The following ZNF644 variants were observed in gnomAD, a reference collection of about 807,000 sequenced individuals.
ZNF644 encodes zinc finger motif enhancer binding protein 2.
Under a neutral mutation model 108.0 loss-of-function variants are expected in ZNF644, and 20 were observed. That is an observed-to-expected ratio of 0.19 (90% CI 0.13 to 0.27). ZNF644 has a LOEUF of 0.27. Among genes scored for constraint, ZNF644 ranks in the 10% least tolerant of loss-of-function variants. The pLI is 1.00. For missense variants in ZNF644, 1,338 were observed against 1,548.9 expected (o/e 0.86, Z 2.29); for synonymous variants, 542 against 539.1 (o/e 1.01, Z -0.08).
At chr1:90,952,547 C>G (rs898607330) in intron 2 of ZNF644, among the ~76,000 whole-genome samples, 1 of 150,912 alleles carries the variant, frequency 6.6e-6, no homozygotes, top group African/African-American at 2.4e-5. Flanking sequence ...CCAACAGAAA[C>G]AGAAATCACT....
chr1:90,952,337 A>T (rs545987137), intron 2 of ZNF644, among the ~76,000 whole-genome samples: 1 of 152,334 alleles, frequency 6.6e-6, no homozygotes, highest in Admixed American at 6.5e-5. Flanking sequence ...AATTATTCTC[A>T]CTTGTGACAA....
At chr1:90,925,192 C>G (rs1649889832) in intron 4 of ZNF644, among the ~76,000 whole-genome samples, 2 of 152,192 alleles carry the variant, frequency 1.3e-5, no homozygotes, top group African/African-American at 2.4e-5. Context: ...ACTTGACTCT[C>G]ATGCCCCCCA....
chr1:90,926,015 A>G (rs1301218606), intron 4 of ZNF644, among the ~76,000 whole-genome samples: 2 of 151,992 alleles, frequency 1.3e-5, no homozygotes, highest in Admixed American at 6.6e-5. Flanking sequence ...CCACCATAAA[A>G]CTTTCCTTCC....
intron 1 of ZNF644, among the ~76,000 whole-genome samples, chr1:90,987,871 TAAACATATGA>T (rs1285427498): frequency 6.6e-6 from 1 of 151,996 alleles, no homozygotes; most frequent in Non-Finnish European, 1.5e-5. Flanking sequence ...CAAGGACAAT[TAAACATATGA>T]AAACAAAATA....
intron 2 of ZNF644, among the ~76,000 whole-genome samples, chr1:90,954,350 T>C (rs1267719932): frequency 1.3e-5 from 2 of 152,190 alleles, no homozygotes; most frequent in African/African-American, 4.8e-5. Flanking sequence ...GAGAAGCAAC[T>C]TCTCATCTGA....
At chr1:90,929,616 T>C (rs1197718766) in intron 4 of ZNF644, among the ~76,000 whole-genome samples, 2 of 152,188 alleles carry the variant, frequency 1.3e-5, no homozygotes, top group South Asian at 2.1e-4. Flanking sequence ...TTAATGCACA[T>C]TGGGAAGCTT....
intron 1 of ZNF644, among the ~76,000 whole-genome samples, chr1:91,006,061 C>T (rs1050487609): frequency 6.6e-6 from 1 of 152,046 alleles, no homozygotes; most frequent in African/African-American, 2.4e-5. Flanking sequence ...GGAGTCATTA[C>T]TACCAACCTT....
intron 2 of ZNF644, among the ~76,000 whole-genome samples, chr1:90,959,908 T>C (rs1175796641): frequency 6.6e-6 from 1 of 152,200 alleles, no homozygotes; most frequent in African/African-American, 2.4e-5. Context: ...AATTCAGAAA[T>C]AAGCAAGTTA....
At chr1:90,978,425 C>A (rs1656223355) in intron 2 of ZNF644, among the ~76,000 whole-genome samples, 1 of 150,838 alleles carries the variant, frequency 6.6e-6, no homozygotes, top group Non-Finnish European at 1.5e-5. Context: ...GGTCAATGTA[C>A]GTTGTACAAT....
At chr1:90,974,285 C>T (rs1275091609) in intron 2 of ZNF644, among the ~76,000 whole-genome samples, 1 of 151,754 alleles carries the variant, frequency 6.6e-6, no homozygotes, top group Non-Finnish European at 1.5e-5. Context: ...GCCAAGATTG[C>T]GCCACTGCAC....
intron 2 of ZNF644, among the ~76,000 whole-genome samples, chr1:90,975,464 G>C (rs1405524057): frequency 7.0e-6 from 1 of 143,528 alleles, no homozygotes; most frequent in Non-Finnish European, 1.5e-5. Flanking sequence ...TTGAGACAGA[G>C]TCTCGCTCTG....
chr1:91,021,891 A>G, intron 1 of ZNF644, 99 bp downstream of exon 1: 1 of 398,784 alleles, frequency 2.5e-6, no homozygotes, highest in Non-Finnish European at 4.4e-6. Context: ...GGGTCCCCCA[A>G]GTTCTTCCGC....
At chr1:91,005,398 C>T (rs184644737) in intron 1 of ZNF644, among the ~76,000 whole-genome samples, 10 of 152,236 alleles carry the variant, frequency 6.6e-5, no homozygotes, top group Admixed American at 4.6e-4. Flanking sequence ...CTTAATACTT[C>T]ACATTCAGTA....
intron 2 of ZNF644, among the ~76,000 whole-genome samples, chr1:90,964,678 T>C (rs1019385293): frequency 6.6e-6 from 1 of 152,082 alleles, no homozygotes; most frequent in Non-Finnish European, 1.5e-5. Context: ...AATACCACAC[T>C]GAAGCAACAG....
At chr1:90,935,676 T>G in intron 4 of ZNF644, 33 of 378,260 alleles carry the variant, frequency 8.7e-5, no homozygotes, top group Non-Finnish European at 1.1e-4. Flanking sequence ...GAGGGGAAAT[T>G]AAGTTAACTG....
At chr1:91,010,739 A>AGCTTCTATGGC (rs1013049693) in intron 1 of ZNF644, among the ~76,000 whole-genome samples, 8 of 151,930 alleles carry the variant, frequency 5.3e-5, no homozygotes, top group African/African-American at 1.9e-4. Flanking sequence ...AGCTCTTTGG[A>AGCTTCTATGGC]GTAGAAGCCA....
chr1:90,977,357 T>A (rs1285336402), intron 2 of ZNF644, among the ~76,000 whole-genome samples: 1 of 152,126 alleles, frequency 6.6e-6, no homozygotes, highest in East Asian at 1.9e-4. Context: ...AGGCAAATAA[T>A]CTGATTATTC....
intron 2 of ZNF644, among the ~76,000 whole-genome samples, chr1:90,957,762 A>C (rs1653895600): frequency 6.6e-6 from 1 of 152,192 alleles, no homozygotes; most frequent in Non-Finnish European, 1.5e-5. Context: ...ACTGTACTAA[A>C]AGTCAGTCAG....
intron 2 of ZNF644, among the ~76,000 whole-genome samples, chr1:90,964,057 G>T (rs1654594726): frequency 6.6e-6 from 1 of 152,010 alleles, no homozygotes; most frequent in African/African-American, 2.4e-5. Flanking sequence ...ATTATGTCTG[G>T]AACAAAATAA....
Sources: gnomAD v4.1 joint callset for allele counts (sites outside exome capture counted in the v4.1 genomes callset) on GRCh38, gnomAD v4.1.1 for gene constraint, MANE v1.5 for transcripts, NCBI Gene and HGNC (gene_info 2026-07-23, HGNC 2026-07-21) for gene names.